SLC16A10: variants seen among roughly 807,000 people sequenced by gnomAD.
SLC16A10 encodes the protein solute carrier family 16 member 10, also known as monocarboxylate transporter 10.
In SLC16A10, 27 loss-of-function variants were observed where a neutral mutation model predicts 40.0. The ratio of observed to expected loss-of-function variants is 0.67; its 90% CI spans 0.50 to 0.93. The LOEUF is 0.93. Ranked by LOEUF, SLC16A10 falls within the 40% of genes least tolerant of loss-of-function variation. The pLI, the probability that SLC16A10 is intolerant of heterozygous loss-of-function variation, is 0.00. For missense variants in SLC16A10, 529 were observed against 658.2 expected, an observed-to-expected ratio of 0.80 and a Z score of 2.15; for synonymous variants, 213 against 249.8, an observed-to-expected ratio of 0.85 and a Z score of 1.39.
chr6:111,189,673 C>T (rs1161978513), intron 3 of SLC16A10, among the ~76,000 whole-genome samples: 1 of 152,144 alleles, frequency 6.6e-6, no homozygotes, highest in African/African-American at 2.4e-5. Context: ...AAAGGCATGT[C>T]TTACATGGTG....
intron 1 of SLC16A10, among the ~76,000 whole-genome samples, chr6:111,139,815 A>C (rs936886420): frequency 2.0e-5 from 3 of 152,172 alleles, no homozygotes; most frequent in African/African-American, 7.2e-5. Flanking sequence ...ATTGAATGGT[A>C]GTTCTTCTTT....
chr6:111,156,670 T>C (rs1044371922), intron 1 of SLC16A10, among the ~76,000 whole-genome samples: 2 of 152,170 alleles, frequency 1.3e-5, no homozygotes. Context: ...GACGACTAAA[T>C]ATAATGTGGT....
intron 1 of SLC16A10, among the ~76,000 whole-genome samples, chr6:111,105,194 C>T (rs920146454): frequency 6.6e-6 from 1 of 152,108 alleles, no homozygotes; most frequent in Non-Finnish European, 1.5e-5. Context: ...ACAGTCATTT[C>T]AACTAATTTA....
chr6:111,120,398 A>G (rs1302759243), intron 1 of SLC16A10, among the ~76,000 whole-genome samples: 1 of 152,230 alleles, frequency 6.6e-6, no homozygotes, highest in Admixed American at 6.5e-5. Flanking sequence ...GTTTCTACAC[A>G]ATATAACATT....
chr6:111,162,102 A>G (rs1251443778), intron 1 of SLC16A10, among the ~76,000 whole-genome samples: 2 of 152,196 alleles, frequency 1.3e-5, no homozygotes, highest in Non-Finnish European at 2.9e-5. Context: ...TTGAAACATA[A>G]TTTTTCTCTC....
intron 1 of SLC16A10, among the ~76,000 whole-genome samples, chr6:111,092,909 C>T (rs1422746229): frequency 5.9e-5 from 9 of 151,554 alleles, no homozygotes; most frequent in Admixed American, 4.6e-4. Context: ...GGCATGGTGG[C>T]GGATGCGTGT....
intron 4 of SLC16A10, among the ~76,000 whole-genome samples, chr6:111,207,603 C>G (rs920414998): frequency 6.6e-6 from 1 of 152,136 alleles, no homozygotes; most frequent in African/African-American, 2.4e-5. Context: ...AGTGGAATAA[C>G]GGGTTTGCTA....
At chr6:111,219,154 C>G (rs924478869) in intron 5 of SLC16A10, 112 bp downstream of exon 5, 1 of 992,704 alleles carries the variant, frequency 1.0e-6, no homozygotes, top group African/African-American at 1.6e-5. Flanking sequence ...GATTACTGGT[C>G]TTTTGCTTTT....
chr6:111,089,568 C>T (rs993279059), intron 1 of SLC16A10, among the ~76,000 whole-genome samples: 11 of 152,186 alleles, frequency 7.2e-5, no homozygotes, highest in Admixed American at 3.9e-4. Context: ...CTGTGGTATG[C>T]GGGTCAATGG....
At chr6:111,181,863 T>C (rs1238415103) in intron 3 of SLC16A10, among the ~76,000 whole-genome samples, 1 of 152,232 alleles carries the variant, frequency 6.6e-6, no homozygotes, top group Non-Finnish European at 1.5e-5. Context: ...TAGATCAATT[T>C]AGATGAGGCC....
intron 4 of SLC16A10, among the ~76,000 whole-genome samples, chr6:111,208,259 G>A (rs759684876): frequency 6.6e-6 from 1 of 152,116 alleles, no homozygotes; most frequent in Non-Finnish European, 1.5e-5. Flanking sequence ...GATTACAGGT[G>A]TGAGCCATGC....
intron 1 of SLC16A10, among the ~76,000 whole-genome samples, chr6:111,139,578 G>T (rs1771944715): frequency 6.6e-6 from 1 of 152,204 alleles, no homozygotes; most frequent in Non-Finnish European, 1.5e-5. Context: ...GGAATTACAG[G>T]CATGAGCCAC....
At chr6:111,102,964 T>G (rs914241018) in intron 1 of SLC16A10, among the ~76,000 whole-genome samples, 1 of 152,192 alleles carries the variant, frequency 6.6e-6, no homozygotes, top group South Asian at 2.1e-4. Flanking sequence ...TACATACGGT[T>G]GCACGCTCAT....
intron 1 of SLC16A10, among the ~76,000 whole-genome samples, chr6:111,114,859 G>A (rs575084379): frequency 1.3e-5 from 2 of 152,166 alleles, no homozygotes; most frequent in East Asian, 3.9e-4. Flanking sequence ...TATTTTAAAG[G>A]TACGTTATCT....
rs116962558 is a variant in SLC16A10, at chr6:111,163,996, A to C, written c.344-8699A>C. On this transcript the variant is annotated intron_variant, in intron 1 of 5. Coordinates refer to ENST00000368851, the MANE Select transcript of SLC16A10 (RefSeq NM_018593.5). ...TATAAACCTTTACAAATTTTTGTTAAAGAGTAGATCAGTGCCTTAAGAAAA... is the reference window on the plus strand; with the variant it reads ...TATAAACCTTTACAAATTTTTGTTACAGAGTAGATCAGTGCCTTAAGAAAA... Among the ~76,000 whole-genome samples the C allele has an allele frequency of 1.2e-3, 185 of 152,302 alleles. 4 individuals carry two copies. The East Asian group carries it at 0.029, about 24-fold the overall frequency.
At chr6:111,135,345 T>G (rs1282786262) in intron 1 of SLC16A10, among the ~76,000 whole-genome samples, 1 of 152,152 alleles carries the variant, frequency 6.6e-6, no homozygotes, top group Non-Finnish European at 1.5e-5. Flanking sequence ...TCCAAAAGAT[T>G]GTTAAGGACC....
In SLC16A10 at chr6:111,161,624, G is replaced by A. The variant is rs1235932385; in HGVS notation, c.344-11071G>A. ...GGGTCCCCAGTAAAAGGGAGCCATC[G>A]TCTGAGGCTCCAGTTTCATGACTGG... On this transcript the variant is annotated intron_variant, in intron 1 of 5. Transcript: ENST00000368851. Among the ~76,000 whole-genome samples, 5 of 152,150 alleles carry A rather than the reference G, an allele frequency of 3.3e-5. No homozygotes were observed. The South Asian group carries it at 6.2e-4, about 19-fold the overall frequency.
At chr6:111,208,770 G>A (rs1356947369) in intron 4 of SLC16A10, among the ~76,000 whole-genome samples, 1 of 152,172 alleles carries the variant, frequency 6.6e-6, no homozygotes, top group Non-Finnish European at 1.5e-5. Context: ...AGGGAAAGGA[G>A]GGAATGGGGA....
At chr6:111,110,095 T>C (rs1771359562) in intron 1 of SLC16A10, among the ~76,000 whole-genome samples, 1 of 152,116 alleles carries the variant, frequency 6.6e-6, no homozygotes, top group African/African-American at 2.4e-5. Context: ...GAAATTTAAA[T>C]ATGGCTGATA....
Sources: gnomAD v4.1 joint callset for allele counts (sites outside exome capture counted in the v4.1 genomes callset) on GRCh38, gnomAD v4.1.1 for gene constraint, MANE v1.5 for transcripts, NCBI Gene and HGNC (gene_info 2026-07-23, HGNC 2026-07-21) for gene names.